The following ANO3 variants were observed in gnomAD, a reference collection of about 807,000 sequenced individuals.
The protein encoded by ANO3 is anoctamin 3.
A neutral mutation model predicts 144.8 loss-of-function variants in ANO3; 99 were observed. The ratio of observed to expected loss-of-function variants is 0.68; its 90% CI spans 0.58 to 0.81. ANO3 has a LOEUF of 0.81. Ranked by LOEUF, ANO3 falls within the 30% of genes least tolerant of loss-of-function variation. The pLI is 0.00. For synonymous variants in ANO3, 414 were observed against 392.6 expected (o/e 1.05, Z -0.64); for missense variants, 905 against 1,202.2 (o/e 0.75, Z 3.66).
intron 1 of ANO3, among the ~76,000 whole-genome samples, chr11:26,365,945 A>AT (rs1425278044): frequency 2.1e-5 from 3 of 141,420 alleles, no homozygotes; most frequent in East Asian, 2.0e-4. Flanking sequence ...TCCCCAAACC[A>AT]TTTTTTCTTT....
intron 11 of ANO3, among the ~76,000 whole-genome samples, chr11:26,542,877 A>ATG (rs1163255186): frequency 2.0e-4 from 31 of 151,888 alleles, no homozygotes; most frequent in South Asian, 1.0e-3. Context: ...ATATTAATAT[A>ATG]TGTTAATATT....
rs142272428 is a variant in ANO3, at chr11:26,446,161, C to T, written c.313+2325C>T. The stretch of plus-strand genomic sequence containing the variant: ...TAATTGCCTTTGAAAAGAAGACGCC[C>T]GGCCTAATATGACTGTTTTAATCAT... On this transcript the variant is annotated intron_variant, in intron 3 of 26. Coordinates refer to ENST00000256737, the MANE Select transcript of ANO3 (RefSeq NM_031418.4). Among the ~76,000 whole-genome samples, 14 of 152,124 alleles carry T rather than the reference C, an allele frequency of 9.2e-5. No individual in the cohort carries two copies. The East Asian group carries it at 1.5e-3, about 17-fold the overall frequency.
intron 1 of ANO3, among the ~76,000 whole-genome samples, chr11:26,317,326 C>T (rs1015899573): frequency 6.6e-6 from 1 of 151,884 alleles, no homozygotes; most frequent in African/African-American, 2.4e-5. Context: ...GAGCAGGCAA[C>T]CTACAGAATG....
chr11:26,387,130 ATTT>A (rs372622053), intron 1 of ANO3, among the ~76,000 whole-genome samples: 12 of 128,378 alleles, frequency 9.3e-5, no homozygotes, highest in African/African-American at 2.7e-4. Flanking sequence ...CAAATGTAGT[ATTT>A]TTTTTTTTTT....
intron 17 of ANO3, among the ~76,000 whole-genome samples, chr11:26,613,150 A>G (rs1852149210): frequency 6.6e-6 from 1 of 152,104 alleles, no homozygotes; most frequent in South Asian, 2.1e-4. Context: ...TGTTCACTTA[A>G]TGGTGTTTCA....
chr11:26,612,370 T>C (rs1852124215), intron 17 of ANO3, among the ~76,000 whole-genome samples: 1 of 151,872 alleles, frequency 6.6e-6, no homozygotes, highest in African/African-American at 2.4e-5. Flanking sequence ...TTTGTTCACA[T>C]AAAAAATACC....
intron 1 of ANO3, among the ~76,000 whole-genome samples, chr11:26,338,635 AC>A (rs1855260686): frequency 6.6e-6 from 1 of 152,110 alleles, no homozygotes; most frequent in Non-Finnish European, 1.5e-5. Context: ...ACCTTTATGA[AC>A]TGTAGCACTC....
chr11:26,235,256 A>T (rs1269342915), intron 1 of ANO3, among the ~76,000 whole-genome samples: 1 of 152,224 alleles, frequency 6.6e-6, no homozygotes, highest in Non-Finnish European at 1.5e-5. Context: ...CTAAACTAAC[A>T]ATTATATTCC....
intron 14 of ANO3, among the ~76,000 whole-genome samples, chr11:26,587,216 G>T (rs1449147666): frequency 6.6e-6 from 1 of 152,198 alleles, no homozygotes; most frequent in Non-Finnish European, 1.5e-5. Flanking sequence ...AAATCTGGCG[G>T]ATGACTTAGG....
intron 1 of ANO3, chr11:26,208,093 T>A (rs936628152): frequency 6.6e-6 from 1 of 152,188 alleles, no homozygotes; most frequent in Non-Finnish European, 1.5e-5. Flanking sequence ...GTGAGAAGTC[T>A]TTCTTGAATC....
chr11:26,618,326 GACTA>G, intron 17 of ANO3, among the ~76,000 whole-genome samples: 1 of 151,916 alleles, frequency 6.6e-6, no homozygotes, highest in East Asian at 1.9e-4. Flanking sequence ...ACAGTATCGT[GACTA>G]ACTGTTGTGA....
intron 1 of ANO3, among the ~76,000 whole-genome samples, chr11:26,363,962 G>A (rs1855995569): frequency 6.6e-6 from 1 of 152,156 alleles, no homozygotes; most frequent in Non-Finnish European, 1.5e-5. Flanking sequence ...GGTCCATTAA[G>A]CCATGACCAG....
chr11:26,632,243 T>G (rs1434177254), intron 18 of ANO3, among the ~76,000 whole-genome samples: 1 of 150,210 alleles, frequency 6.7e-6, no homozygotes, highest in Non-Finnish European at 1.5e-5. Flanking sequence ...CTGACATCCT[T>G]CTTTAAAAAT....
intron 14 of ANO3, among the ~76,000 whole-genome samples, chr11:26,582,300 C>T (rs1305418529): frequency 6.6e-6 from 1 of 152,166 alleles, no homozygotes; most frequent in Non-Finnish European, 1.5e-5. Context: ...GTGACAAGTA[C>T]ATTCTAACTG....
rs927889168 is a variant in ANO3, at chr11:26,415,998, TTGATA to T, written c.47-25918_47-25914del. 7.2e-5 allele frequency among the ~76,000 whole-genome samples: 11 copies of T among 152,222 alleles called. No individual in the cohort carries two copies. The East Asian group carries it at 1.4e-3, about 19-fold the overall frequency. On this transcript the variant is annotated intron_variant, in intron 1 of 26. Transcript: ENST00000256737. Reference sequence around the variant, plus strand: ...TCTTAAATTTCTTATTGTTTTCAGTTTGATATAATGATTATACTTTTATGCATTGA... The same window carrying T: ...TCTTAAATTTCTTATTGTTTTCAGTTTAATGATTATACTTTTATGCATTGA...
intron 14 of ANO3, among the ~76,000 whole-genome samples, chr11:26,564,714 CACACACACACACACACACATATATATAT>C (rs1483449567): frequency 1.4e-5 from 1 of 72,984 alleles, no homozygotes; most frequent in Non-Finnish European, 2.6e-5. Context: ...CACACACACA[CACACACACACACACACACATATATATAT>C]ATATATATAT....
chr11:26,625,742 C>T (rs1192177148), intron 18 of ANO3, among the ~76,000 whole-genome samples: 4 of 152,116 alleles, frequency 2.6e-5, no homozygotes, highest in Non-Finnish European at 4.4e-5. Context: ...AAGCTGTCTC[C>T]TCCAAACTAG....
At chr11:26,386,700 T>C (rs574384062) in intron 1 of ANO3, among the ~76,000 whole-genome samples, 22 of 152,288 alleles carry the variant, frequency 1.4e-4, no homozygotes, top group African/African-American at 5.3e-4. Flanking sequence ...CTATAGAATG[T>C]AAGGACTATG....
rs75135685 is a variant in ANO3, at chr11:26,621,361, C to T, written c.1837-3101C>T. On this transcript the variant is annotated intron_variant, in intron 17 of 26. Coordinates refer to ENST00000256737, the MANE Select transcript of ANO3 (RefSeq NM_031418.4). ...TGCCACTCCTTTCTCTCTAACTTCC[C>T]TGCCCTTCATGAAATACATCAAGTC... Among the ~76,000 whole-genome samples the T allele has an allele frequency of 7.9e-4, 121 of 152,252 alleles. No homozygotes were observed. The East Asian group carries it at 0.015, about 19-fold the overall frequency.
Sources: allele counts gnomAD v4.1 joint callset (sites outside exome capture counted in the v4.1 genomes callset), GRCh38; gene constraint gnomAD v4.1.1; transcripts MANE v1.5; gene names NCBI Gene and HGNC (gene_info 2026-07-23, HGNC 2026-07-21).